Variants in FNDC3A observed in about 807,000 individuals in gnomAD.
FNDC3A encodes fibronectin type-III domain-containing protein 3A.
Under a neutral mutation model 148.9 loss-of-function variants are expected in FNDC3A, and 32 were observed. The ratio of observed to expected loss-of-function variants is 0.21; its 90% confidence interval spans 0.16 to 0.29. The LOEUF (loss-of-function observed/expected upper bound fraction) is 0.29, where lower values mean the gene tolerates loss of function less well. Ranked by LOEUF, FNDC3A falls within the 10% of genes least tolerant of loss-of-function variation. The pLI is 1.00. For synonymous variants in FNDC3A, 472 were observed against 473.6 expected, an observed-to-expected ratio of 1.00 and a Z score of 0.04; for missense variants, 1,191 against 1,452.8, an observed-to-expected ratio of 0.82 and a Z score of 2.93.
intron 9 of FNDC3A, among the ~76,000 whole-genome samples, chr13:49,167,757 C>CA (rs1884553554): frequency 6.7e-6 from 1 of 150,086 alleles, no homozygotes; most frequent in Non-Finnish European, 1.5e-5. Context: ...GTAAAATTAT[C>CA]AAAATTTTTC....
chr13:49,066,124 T>G (rs1001088648), intron 2 of FNDC3A, among the ~76,000 whole-genome samples: 3 of 152,194 alleles, frequency 2.0e-5, no homozygotes, highest in African/African-American at 7.2e-5. Context: ...TTGGCAGACC[T>G]GGTTGGATGA....
At chr13:49,119,553 G>A (rs1008077378) in intron 4 of FNDC3A, among the ~76,000 whole-genome samples, 2 of 151,962 alleles carry the variant, frequency 1.3e-5, no homozygotes, top group Non-Finnish European at 2.9e-5. Flanking sequence ...AGCTAAAGGA[G>A]CATGTTCTAA....
chr13:49,110,700 A>G (rs1472083581), intron 3 of FNDC3A, among the ~76,000 whole-genome samples: 1 of 152,208 alleles, frequency 6.6e-6, no homozygotes, highest in African/African-American at 2.4e-5. Context: ...ACGCTGGCTT[A>G]TAGAGAATGT....
At chr13:49,166,490 G>A (rs1884468883) in intron 8 of FNDC3A, among the ~76,000 whole-genome samples, 1 of 152,150 alleles carries the variant, frequency 6.6e-6, no homozygotes, top group African/African-American at 2.4e-5. Context: ...CCTTGTTCTA[G>A]CTGCTTAGGG....
At chr13:49,040,915 C>T (rs533135575) in intron 2 of FNDC3A, among the ~76,000 whole-genome samples, 4 of 152,092 alleles carry the variant, frequency 2.6e-5, no homozygotes, top group African/African-American at 4.8e-5. Context: ...CATATTTTAT[C>T]TCAGGTAATA....
At chr13:49,115,359 T>C (rs1880881243) in intron 4 of FNDC3A, among the ~76,000 whole-genome samples, 1 of 152,226 alleles carries the variant, frequency 6.6e-6, no homozygotes, top group South Asian at 2.1e-4. Flanking sequence ...TTTCGTATGG[T>C]CTGCACGCTT....
intron 2 of FNDC3A, among the ~76,000 whole-genome samples, chr13:49,053,994 T>C (rs1566217290): frequency 6.6e-6 from 1 of 152,186 alleles, no homozygotes; most frequent in Non-Finnish European, 1.5e-5. Flanking sequence ...GGTTGGAGTT[T>C]GGTATCTTGT....
intron 3 of FNDC3A, among the ~76,000 whole-genome samples, chr13:49,090,299 G>A (rs1879100020): frequency 6.6e-6 from 1 of 152,204 alleles, no homozygotes; most frequent in Non-Finnish European, 1.5e-5. Flanking sequence ...GCATGTGCCT[G>A]TAGTCCCAGC....
At chr13:49,085,769 A>G (rs970976668) in intron 3 of FNDC3A, among the ~76,000 whole-genome samples, 3 of 152,192 alleles carry the variant, frequency 2.0e-5, no homozygotes, top group African/African-American at 2.4e-5. Context: ...TCTAGAACCA[A>G]TGGGTGGAAG....
intron 2 of FNDC3A, among the ~76,000 whole-genome samples, chr13:49,069,675 C>T (rs1387906608): frequency 6.6e-6 from 1 of 152,162 alleles, no homozygotes; most frequent in Admixed American, 6.6e-5. Context: ...AATTTACATA[C>T]TCAATCTTCA....
chr13:49,192,101 T>C (rs1885916458), intron 19 of FNDC3A, among the ~76,000 whole-genome samples: 1 of 152,134 alleles, frequency 6.6e-6, no homozygotes, highest in African/African-American at 2.4e-5. Context: ...ATAAAGCAGG[T>C]TCCCTAAGGA....
rs1197577058 is a variant in FNDC3A at position 49,209,482 on chromosome 13, A to G, written c.*2087A>G. On this transcript the variant is annotated 3_prime_UTR_variant, in exon 26 of 26. Transcript: ENST00000492622. ...CAAACATATCACCTTAAAATTGTAT[A>G]AGGCTGAATGAACTTCATACAAATG... is the stretch of plus-strand genomic sequence containing the variant. 6.6e-6 allele frequency: 1 copy of G among 152,656 alleles called. No homozygotes were observed. The highest frequency in any genetic ancestry group is 1.5e-5 in the Non-Finnish European group (1 of 68,022). The allele number at this position is 152,656 out of a possible 1,614,324, so 9.5% of individuals were successfully genotyped here. A position where few individuals can be genotyped will look rare whatever the true frequency, so the allele number is the denominator to read the frequency against.
intron 3 of FNDC3A, among the ~76,000 whole-genome samples, chr13:49,087,226 A>G (rs556957485): frequency 1.3e-5 from 2 of 152,134 alleles, no homozygotes; most frequent in African/African-American, 2.4e-5. Flanking sequence ...GATTAAAAAA[A>G]TTTTTTAATG....
chr13:49,103,647 A>G (rs1271451041), intron 3 of FNDC3A, among the ~76,000 whole-genome samples: 2 of 152,254 alleles, frequency 1.3e-5, no homozygotes, highest in East Asian at 1.9e-4. Flanking sequence ...GGCAATAGCA[A>G]TGGAGTAGAA....
intron 2 of FNDC3A, chr13:49,046,195 T>G (rs975369376): frequency 2.6e-5 from 4 of 155,684 alleles, no homozygotes; most frequent in African/African-American, 7.2e-5. Context: ...TCAACCAAAA[T>G]TATGTTCTTA....
At chr13:48,997,197 A>G (rs1478538669) in intron 1 of FNDC3A, among the ~76,000 whole-genome samples, 1 of 152,222 alleles carries the variant, frequency 6.6e-6, no homozygotes, top group Non-Finnish European at 1.5e-5. Flanking sequence ...CTTTTTAGAC[A>G]AAAAGAGCTG....
chr13:48,985,709 A>G (rs185251686), intron 1 of FNDC3A, among the ~76,000 whole-genome samples: 1 of 152,348 alleles, frequency 6.6e-6, no homozygotes, highest in African/African-American at 2.4e-5. Flanking sequence ...TTACATAACA[A>G]CCAATCCCAG....
intron 3 of FNDC3A, among the ~76,000 whole-genome samples, chr13:49,089,326 G>T (rs995724964): frequency 1.3e-5 from 2 of 152,200 alleles, no homozygotes; most frequent in African/African-American, 4.8e-5. Flanking sequence ...GGCCCCCAGT[G>T]TTGTTGCCTT....
chr13:49,150,987 C>T (rs60595117), intron 8 of FNDC3A, among the ~76,000 whole-genome samples: 5 of 151,060 alleles, frequency 3.3e-5, no homozygotes, highest in African/African-American at 1.2e-4. Flanking sequence ...GTATTGTGTA[C>T]TGACATATGG....
Sources: gnomAD v4.1 joint callset for allele counts (sites outside exome capture counted in the v4.1 genomes callset) on GRCh38, gnomAD v4.1.1 for gene constraint, MANE v1.5 for transcripts, NCBI Gene and HGNC (gene_info 2026-07-23, HGNC 2026-07-21) for gene names.